Variants in ELP4 observed in about 807,000 individuals in gnomAD.
The protein encoded by ELP4 is elongator complex protein 4.
ELP4 carries 51 observed loss-of-function variants against 48.9 expected under a neutral mutation model. The ratio of observed to expected loss-of-function variants is 1.04; its 90% CI spans 0.83 to 1.32. ELP4 has a LOEUF of 1.32. ELP4 is among the 40% of genes most tolerant of loss of function. The pLI is 0.00. For missense variants in ELP4, 519 were observed against 514.6 expected, an observed-to-expected ratio of 1.01 and a Z score of -0.08; for synonymous variants, 210 against 189.2, an observed-to-expected ratio of 1.11 and a Z score of -0.90.
rs1187717859 is a variant in ELP4 at position 31,541,510 on chromosome 11, TC to T, written c.381+1729del. The T allele has an allele frequency of 2.6e-5, 4 of 152,222 alleles. No homozygotes were observed. In the East Asian group the frequency reaches 7.7e-4, roughly 29 times the overall value. 9.4% of individuals were successfully genotyped at this position (152,222 alleles called of 1,614,324 possible). A position where few individuals can be genotyped will look rare whatever the true frequency, so the allele number is the denominator to read the frequency against. ...GCTACACAGGTTCTTCATGACATATTCCACAATATACCGAGACTAAGATTTT... is the reference window on the plus strand; with the variant it reads ...GCTACACAGGTTCTTCATGACATATTCACAATATACCGAGACTAAGATTTT... On this transcript the variant is annotated intron_variant, in intron 3 of 9. Transcript: ENST00000640961.
At chr11:31,621,843 T>C (rs539768501) in intron 5 of ELP4, among the ~76,000 whole-genome samples, 212 of 152,024 alleles carry the variant, frequency 1.4e-3, no homozygotes, top group African/African-American at 4.6e-3. Flanking sequence ...TCATTGAATC[T>C]AGATCTCACT....
rs1032887182 is a variant in ELP4 at position 31,634,413 on chromosome 11, T to C, written c.927+2008T>C. The stretch of plus-strand genomic sequence containing the variant: ...AAGAAAAACAATCATGAAAAAAATA[T>C]ATGTACATATGTAACTTTAAATTTT... On this transcript the variant is annotated intron_variant, in intron 7 of 9. Coordinates refer to ENST00000640961, the MANE Select transcript of ELP4 (RefSeq NM_019040.5). The C allele has an allele frequency of 3.3e-4, 50 of 152,156 alleles. 1 individual carries two copies. The highest frequency in any genetic ancestry group is 9.9e-4 in the African/African-American group (41 of 41,578). 9.4% of individuals were successfully genotyped at this position (152,156 alleles called of 1,614,324 possible).
At chr11:31,706,817 A>G (rs1946644113) in intron 9 of ELP4, among the ~76,000 whole-genome samples, 1 of 151,996 alleles carries the variant, frequency 6.6e-6, no homozygotes, top group Admixed American at 6.6e-5. Context: ...CCCACATATG[A>G]GTGAGAACAG....
intron 3 of ELP4, among the ~76,000 whole-genome samples, chr11:31,546,156 G>T (rs997748203): frequency 6.6e-6 from 1 of 151,862 alleles, no homozygotes; most frequent in Non-Finnish European, 1.5e-5. Context: ...AATGTAAATG[G>T]ACTAAATGCT....
intron 9 of ELP4, among the ~76,000 whole-genome samples, chr11:31,773,747 C>T (rs1350679407): frequency 1.3e-5 from 2 of 152,160 alleles, no homozygotes; most frequent in Non-Finnish European, 2.9e-5. Context: ...TAATCTAGTA[C>T]AAATGCATCT....
intron 9 of ELP4, among the ~76,000 whole-genome samples, chr11:31,758,010 A>T (rs1477145573): frequency 6.6e-6 from 1 of 152,220 alleles, no homozygotes; most frequent in Non-Finnish European, 1.5e-5. Flanking sequence ...TTTCTGGTCT[A>T]GAGTTATCTA....
At chr11:31,615,416 A>G (rs989927872) in intron 5 of ELP4, among the ~76,000 whole-genome samples, 17 of 152,244 alleles carry the variant, frequency 1.1e-4, no homozygotes, top group African/African-American at 4.1e-4. Flanking sequence ...CTTAGCATAC[A>G]GTAGCTGGCA....
chr11:31,691,756 T>A (rs1183336584), intron 9 of ELP4, among the ~76,000 whole-genome samples: 1 of 152,156 alleles, frequency 6.6e-6, no homozygotes, highest in Non-Finnish European at 1.5e-5. Context: ...ATGTTTACAA[T>A]AACAATTTTT....
rs1306022515 is a variant in ELP4, at chr11:31,589,323, A to T, written c.382-5447A>T. ...AATTTATAGCCTTTATTGGAAAATGAGATTATACATACATGAAATGTCGAA... is the reference window on the plus strand; with the variant it reads ...AATTTATAGCCTTTATTGGAAAATGTGATTATACATACATGAAATGTCGAA... On this transcript the variant is annotated intron_variant, in intron 3 of 9. Transcript: ENST00000640961. Among the ~76,000 whole-genome samples, 3 of 152,228 alleles carry T rather than the reference A, an allele frequency of 2.0e-5. No homozygotes were observed. The East Asian group carries it at 5.8e-4, about 29-fold the overall frequency.
rs78985689 is a variant in ELP4 at position 31,621,652 on chromosome 11, T to C, written c.654-5458T>C. On this transcript the variant is annotated intron_variant, in intron 5 of 9. Coordinates refer to ENST00000640961, the MANE Select transcript of ELP4 (RefSeq NM_019040.5). ...ATATTTGTAAGCATACACTTCACAG[T>C]ATTGAGTTTTCTTTATACATCGTGT... is the stretch of plus-strand genomic sequence containing the variant. Among the ~76,000 whole-genome samples, 31 of 152,042 alleles carry C rather than the reference T, an allele frequency of 2.0e-4. No homozygotes were observed. In the East Asian group the frequency reaches 6.0e-3, roughly 29 times the overall value.
intron 2 of ELP4, among the ~76,000 whole-genome samples, chr11:31,526,643 T>G (rs1167507103): frequency 6.6e-6 from 1 of 151,996 alleles, no homozygotes; most frequent in Non-Finnish European, 1.5e-5. Context: ...GTTCCTAAAA[T>G]CAATCCTCAA....
intron 3 of ELP4, among the ~76,000 whole-genome samples, chr11:31,559,551 A>G (rs1956981426): frequency 6.6e-6 from 1 of 152,212 alleles, no homozygotes; most frequent in South Asian, 2.1e-4. Context: ...AATTAAAGAC[A>G]CACTGTTTTA....
At chr11:31,541,249 C>T (rs1000568502) in intron 3 of ELP4, among the ~76,000 whole-genome samples, 3 of 152,098 alleles carry the variant, frequency 2.0e-5, no homozygotes, top group Non-Finnish European at 4.4e-5. Flanking sequence ...TCAGACTTTG[C>T]TTGTTAAATA....
chr11:31,776,658 C>T (rs942735824), intron 9 of ELP4, among the ~76,000 whole-genome samples: 23 of 152,278 alleles, frequency 1.5e-4, no homozygotes, highest in Admixed American at 2.6e-4. Flanking sequence ...TTATAATTGA[C>T]GGTCAAAATA....
At chr11:31,776,946 A>C (rs1592303116) in intron 9 of ELP4, among the ~76,000 whole-genome samples, 1 of 152,204 alleles carries the variant, frequency 6.6e-6, no homozygotes, top group Non-Finnish European at 1.5e-5. Context: ...CCAAATGTAC[A>C]CTTGCCAATC....
At chr11:31,725,476 A>C (rs1161555157) in intron 9 of ELP4, among the ~76,000 whole-genome samples, 1 of 152,088 alleles carries the variant, frequency 6.6e-6, no homozygotes, top group Non-Finnish European at 1.5e-5. Context: ...ATTTCTCTCT[A>C]GTTCTCCCTG....
At chr11:31,736,293 A>T (rs912614187) in intron 9 of ELP4, among the ~76,000 whole-genome samples, 9 of 152,284 alleles carry the variant, frequency 5.9e-5, no homozygotes, top group African/African-American at 2.2e-4. Flanking sequence ...CTGAAACTGG[A>T]CCCCTTCCTT....
intron 9 of ELP4, among the ~76,000 whole-genome samples, chr11:31,729,007 C>T (rs1256065750): frequency 6.6e-6 from 1 of 152,042 alleles, no homozygotes; most frequent in African/African-American, 2.4e-5. Context: ...TATATTAAAG[C>T]ACAAAATAGT....
chr11:31,590,087 G>T (rs1957542882), intron 3 of ELP4, among the ~76,000 whole-genome samples: 1 of 151,956 alleles, frequency 6.6e-6, no homozygotes, highest in African/African-American at 2.4e-5. Context: ...TTATGTTTCA[G>T]TTTCCCATTA....
Sources: allele counts gnomAD v4.1 joint callset (sites outside exome capture counted in the v4.1 genomes callset), GRCh38; gene constraint gnomAD v4.1.1; transcripts MANE v1.5; gene names NCBI Gene and HGNC (gene_info 2026-07-23, HGNC 2026-07-21).